GRM8: variants seen among roughly 807,000 people sequenced by gnomAD.
The protein encoded by GRM8 is glutamate metabotropic receptor 8, also known as metabotropic glutamate receptor 8.
A neutral mutation model predicts 87.2 loss-of-function variants in GRM8; 47 were observed. The ratio of observed to expected loss-of-function variants is 0.54; its 90% CI spans 0.43 to 0.69. GRM8 has a LOEUF of 0.69. GRM8 is among the 30% of genes least tolerant of loss of function. The probability of loss-of-function intolerance (pLI) is 0.00; values close to 1 mark genes in which losing one functional copy is unlikely to be tolerated. For synonymous variants in GRM8, 396 were observed against 404.5 expected, an observed-to-expected ratio of 0.98 and a Z score of 0.25; for missense variants, 1,019 against 1,139.2, an observed-to-expected ratio of 0.89 and a Z score of 1.52.
At chr7:126,465,152 C>A (rs907599507) in intron 9 of GRM8, 2 of 151,698 alleles carry the variant, frequency 1.3e-5, no homozygotes, top group African/African-American at 2.4e-5. Context: ...TTTCTCAATT[C>A]TATTCCATTC....
intron 7 of GRM8, among the ~76,000 whole-genome samples, chr7:126,659,052 A>G (rs1247411066): frequency 1.0e-5 from 1 of 99,598 alleles, no homozygotes; most frequent in Admixed American, 1.2e-4. Flanking sequence ...CCCCGCCCCC[A>G]GGTTCAGAGG....
At chr7:126,613,698 C>A (rs187322163) in intron 7 of GRM8, among the ~76,000 whole-genome samples, 5 of 152,208 alleles carry the variant, frequency 3.3e-5, no homozygotes, top group African/African-American at 1.2e-4. Flanking sequence ...GCTTTTCCAA[C>A]GGTCTTAGCA....
intron 7 of GRM8, among the ~76,000 whole-genome samples, chr7:126,727,289 T>G (rs1222229286): frequency 6.6e-6 from 1 of 152,024 alleles, no homozygotes; most frequent in Non-Finnish European, 1.5e-5. Flanking sequence ...TTTTAAAAAA[T>G]GCTGATCATT....
chr7:127,106,461 C>T (rs1369956405), intron 3 of GRM8, 35 bp downstream of exon 3: 1 of 1,551,830 alleles, frequency 6.4e-7, no homozygotes, highest in Non-Finnish European at 8.9e-7. Flanking sequence ...AATCTGTCAC[C>T]TCCAAATACA....
intron 7 of GRM8, among the ~76,000 whole-genome samples, chr7:126,737,199 A>G (rs117699054): frequency 0.012 from 1,827 of 152,128 alleles, 85 homozygotes; most frequent in East Asian, 0.11. Flanking sequence ...GTAAAGCCTA[A>G]GACCAGTGCT....
intron 2 of GRM8, among the ~76,000 whole-genome samples, chr7:127,181,538 A>T (rs1483061065): frequency 6.6e-6 from 1 of 152,012 alleles, no homozygotes; most frequent in Non-Finnish European, 1.5e-5. Context: ...AAATAGCCAA[A>T]GCAAGACTAA....
chr7:126,751,643 C>T (rs1290912721), intron 7 of GRM8, among the ~76,000 whole-genome samples: 3 of 152,152 alleles, frequency 2.0e-5, no homozygotes, highest in Non-Finnish European at 2.9e-5. Context: ...CAAAGGAAGG[C>T]ACCATTGCAC....
intron 7 of GRM8, among the ~76,000 whole-genome samples, chr7:126,652,571 GA>G (rs1316447452): frequency 6.6e-6 from 1 of 152,140 alleles, no homozygotes; most frequent in Admixed American, 6.6e-5. Context: ...AGCATGGCCA[GA>G]ATATAAAGCA....
chr7:126,944,369 G>T (rs2131557951), intron 3 of GRM8, among the ~76,000 whole-genome samples: 1 of 152,304 alleles, frequency 6.6e-6, no homozygotes, highest in East Asian at 1.9e-4. Flanking sequence ...AGGCCCTAGA[G>T]GCTGGGCCTG....
At chr7:126,444,172 A>C (rs188306503) in intron 10 of GRM8, among the ~76,000 whole-genome samples, 7 of 152,142 alleles carry the variant, frequency 4.6e-5, no homozygotes, top group Admixed American at 4.6e-4. Flanking sequence ...GGCCAACAGC[A>C]GTTTATTGGC....
intron 2 of GRM8, among the ~76,000 whole-genome samples, chr7:127,177,091 G>A (rs905232510): frequency 6.6e-6 from 1 of 152,132 alleles, no homozygotes; most frequent in African/African-American, 2.4e-5. Context: ...CTGGGAGGTG[G>A]GTAGCCCAGT....
intron 3 of GRM8, among the ~76,000 whole-genome samples, chr7:126,978,424 C>T (rs1233928982): frequency 7.2e-5 from 11 of 152,098 alleles, no homozygotes; most frequent in Non-Finnish European, 1.6e-4. Flanking sequence ...GCATATTTAC[C>T]CTGGAGATCT....
chr7:126,495,408 G>C (rs922404228), intron 9 of GRM8, among the ~76,000 whole-genome samples: 1 of 151,984 alleles, frequency 6.6e-6, no homozygotes, highest in African/African-American at 2.4e-5. Flanking sequence ...ATGCTACTGA[G>C]AAGACTGCAA....
chr7:126,806,369 G>T (rs954877694), intron 6 of GRM8, among the ~76,000 whole-genome samples: 1 of 152,216 alleles, frequency 6.6e-6, no homozygotes, highest in Non-Finnish European at 1.5e-5. Context: ...AAGCTGGCAC[G>T]GACACAGAGT....
At chr7:126,684,113 TAAATG>T (rs1031020574) in intron 7 of GRM8, among the ~76,000 whole-genome samples, 1 of 151,740 alleles carries the variant, frequency 6.6e-6, no homozygotes, top group Non-Finnish European at 1.5e-5. Flanking sequence ...GACAGGGAAA[TAAATG>T]GAAGGAAGAA....
At chr7:126,461,914 T>C (rs941031288) in intron 9 of GRM8, among the ~76,000 whole-genome samples, 5 of 151,638 alleles carry the variant, frequency 3.3e-5, no homozygotes, top group African/African-American at 1.2e-4. Flanking sequence ...AGAATAAATA[T>C]AAAGAGTTAT....
At chr7:127,244,944 C>T (rs1468661984) in intron 1 of GRM8, among the ~76,000 whole-genome samples, 1 of 152,190 alleles carries the variant, frequency 6.6e-6, no homozygotes, top group African/African-American at 2.4e-5. Context: ...TATTCCCTGC[C>T]TCCGGGCACA....
chr7:126,851,272 C>T (rs1178891668), intron 6 of GRM8, among the ~76,000 whole-genome samples: 1 of 152,154 alleles, frequency 6.6e-6, no homozygotes, highest in African/African-American at 2.4e-5. Context: ...CCAGGGCTAT[C>T]CCTCTGTTCC....
chr7:127,244,349 A>G (rs1798470588), intron 1 of GRM8, among the ~76,000 whole-genome samples: 1 of 152,242 alleles, frequency 6.6e-6, no homozygotes. Context: ...TCAGTGGGGA[A>G]AAGTTCATCA....
Sources: allele counts gnomAD v4.1 joint callset (sites outside exome capture counted in the v4.1 genomes callset), GRCh38; gene constraint gnomAD v4.1.1; transcripts MANE v1.5; gene names NCBI Gene and HGNC (gene_info 2026-07-23, HGNC 2026-07-21).